The following ZNF892 variants were observed in gnomAD, a reference collection of about 807,000 sequenced individuals.
ZNF892 encodes the protein zinc finger protein 892, also known as zinc finger protein 570-like.
the ZNF892 span, among the ~76,000 whole-genome samples, chr2:95,257,119 G>A: frequency 6.6e-6 from 1 of 152,216 alleles, no homozygotes; most frequent in Non-Finnish European, 1.5e-5. Context: ...CTGGTGAGGG[G>A]CTGCATTCCT....
At chr2:95,260,684 AG>A in the ZNF892 span, among the ~76,000 whole-genome samples, 1 of 152,182 alleles carries the variant, frequency 6.6e-6, no homozygotes, top group African/African-American at 2.4e-5. Context: ...ACTGACTGCA[AG>A]AGTAAAGGGC....
the ZNF892 span, among the ~76,000 whole-genome samples, chr2:95,236,746 C>CA: frequency 6.6e-6 from 1 of 152,190 alleles, no homozygotes; most frequent in African/African-American, 2.4e-5. Context: ...AACAAACAAA[C>CA]AAAAAATAAC....
the ZNF892 span, among the ~76,000 whole-genome samples, chr2:95,230,120 G>A: frequency 3.9e-5 from 6 of 152,048 alleles, no homozygotes; most frequent in Non-Finnish European, 8.8e-5. Flanking sequence ...ACTCAGGAAT[G>A]GAAAACCAAA....
the ZNF892 span, among the ~76,000 whole-genome samples, chr2:95,216,860 G>A: frequency 6.6e-6 from 1 of 151,982 alleles, no homozygotes; most frequent in South Asian, 2.1e-4. Context: ...TTTCTTCTGG[G>A]ACTCTAATGA....
chr2:95,249,231 A>ATTTTTTTTTTTT, the ZNF892 span, among the ~76,000 whole-genome samples: 1 of 57,090 alleles, frequency 1.8e-5, no homozygotes, highest in Non-Finnish European at 3.0e-5. Context: ...ATATATATAT[A>ATTTTTTTTTTTT]TTTTTTTTTT....
chr2:95,258,144 C>G, the ZNF892 span, among the ~76,000 whole-genome samples: 1 of 152,182 alleles, frequency 6.6e-6, no homozygotes, highest in Non-Finnish European at 1.5e-5. Context: ...AGAAATCACC[C>G]ATCTTCTGCG....
the ZNF892 span, among the ~76,000 whole-genome samples, chr2:95,229,755 A>G: frequency 1.3e-5 from 2 of 152,162 alleles, no homozygotes; most frequent in African/African-American, 2.4e-5. Context: ...TATAAGTGCT[A>G]TGAACATTCC....
chr2:95,240,610 C>T, the ZNF892 span, among the ~76,000 whole-genome samples: 2 of 152,210 alleles, frequency 1.3e-5, no homozygotes, highest in South Asian at 2.1e-4. Flanking sequence ...GAGGTCCACT[C>T]GTACATACCT....
chr2:95,262,670 G>C, the ZNF892 span, among the ~76,000 whole-genome samples: 2 of 152,222 alleles, frequency 1.3e-5, no homozygotes, highest in Admixed American at 1.3e-4. Context: ...AAGAGAGAAG[G>C]AGCAGGGGTT....
chr2:95,245,204 G>C, the ZNF892 span, among the ~76,000 whole-genome samples: 11 of 149,004 alleles, frequency 7.4e-5, no homozygotes, highest in Non-Finnish European at 1.3e-4. Flanking sequence ...AGGAGAAAGA[G>C]ACATGAAAAA....
chr2:95,219,765 A>G, the ZNF892 span, among the ~76,000 whole-genome samples: 1 of 152,114 alleles, frequency 6.6e-6, no homozygotes, highest in South Asian at 2.1e-4. Flanking sequence ...CTGCCTCATT[A>G]CTTTAAGTTG....
the ZNF892 span, chr2:95,207,742 G>A: frequency 2.5e-6 from 1 of 398,132 alleles, no homozygotes; most frequent in African/African-American, 2.1e-5. Flanking sequence ...CCTCTTGGGG[G>A]ACCCGAGCGG....
At chr2:95,215,970 A>G in the ZNF892 span, among the ~76,000 whole-genome samples, 1 of 152,214 alleles carries the variant, frequency 6.6e-6, no homozygotes, top group Non-Finnish European at 1.5e-5. Context: ...TTATCCTTTT[A>G]GGGAAGTTGC....
the ZNF892 span, among the ~76,000 whole-genome samples, chr2:95,207,060 A>T: frequency 2.6e-5 from 4 of 152,334 alleles, no homozygotes; most frequent in Admixed American, 2.0e-4. Context: ...TCGGGATTGA[A>T]ATTCCATTTT....
the ZNF892 span, among the ~76,000 whole-genome samples, chr2:95,207,350 C>T: frequency 1.3e-5 from 2 of 152,236 alleles, no homozygotes; most frequent in East Asian, 1.9e-4. Flanking sequence ...AGCGGCCCTT[C>T]CAGAGTCGCT....
the ZNF892 span, among the ~76,000 whole-genome samples, chr2:95,227,945 A>T: frequency 6.6e-6 from 1 of 152,170 alleles, no homozygotes; most frequent in Non-Finnish European, 1.5e-5. Flanking sequence ...TTCAACCCAA[A>T]CAATCTAACT....
chr2:95,229,150 G>A, the ZNF892 span, among the ~76,000 whole-genome samples: 1 of 152,150 alleles, frequency 6.6e-6, no homozygotes, highest in African/African-American at 2.4e-5. Flanking sequence ...GTGTCGTCAA[G>A]ACTTCCTGAG....
chr2:95,218,241 A>C, the ZNF892 span, among the ~76,000 whole-genome samples: 1 of 152,182 alleles, frequency 6.6e-6, no homozygotes, highest in African/African-American at 2.4e-5. Flanking sequence ...AAATCTCTTT[A>C]ATTGTGCTTC....
chr2:95,225,308 A>G, the ZNF892 span, among the ~76,000 whole-genome samples: 1 of 152,188 alleles, frequency 6.6e-6, no homozygotes, highest in Non-Finnish European at 1.5e-5. Flanking sequence ...CCATAGCAGA[A>G]TACCACAGAT....
Sources: allele counts gnomAD v4.1 joint callset (sites outside exome capture counted in the v4.1 genomes callset), GRCh38; gene constraint gnomAD v4.1.1; transcripts MANE v1.5; gene names NCBI Gene and HGNC (gene_info 2026-07-23, HGNC 2026-07-21).